The following PRDM16 variants were observed in gnomAD, a reference collection of about 807,000 sequenced individuals.
PRDM16 encodes the protein PR/SET domain 16.
In PRDM16, 23 loss-of-function variants were observed where a neutral mutation model predicts 110.6. The observed-to-expected ratio is 0.21, with a 90% confidence interval of 0.15 to 0.29. The LOEUF (loss-of-function observed/expected upper bound fraction) is 0.29, where lower values mean the gene tolerates loss of function less well. PRDM16 is among the 10% of genes least tolerant of loss of function. The pLI is 1.00. For missense variants in PRDM16, 1,615 were observed against 1,794.3 expected (o/e 0.90, Z 1.81); for synonymous variants, 799 against 781.8 (o/e 1.02, Z -0.37).
intron 1 of PRDM16, among the ~76,000 whole-genome samples, chr1:3,136,432 A>G (rs2100693331): frequency 6.6e-6 from 1 of 152,266 alleles, no homozygotes; most frequent in South Asian, 2.1e-4. Flanking sequence ...TGGGGCTGGG[A>G]CCCAGGCCTG....
rs144474324 is a variant in PRDM16 at position 3,223,933 on chromosome 1, G to A, written c.388-20154G>A. 5.0e-3 allele frequency among the ~76,000 whole-genome samples: 756 copies of A among 152,258 alleles called. 8 individuals are homozygous for A. The highest frequency in any genetic ancestry group is 0.017 in the African/African-American group (709 of 41,530). On this transcript the variant is annotated intron_variant, in intron 2 of 16. Transcript: ENST00000270722. ...ACAGTTTTCCAACCCCATCTGAGGC[G>A]TCTCCTCCTTTTACAAATATTAAGA...
At position 3,081,615 on chromosome 1, in the gene PRDM16, G is replaced by C. The variant is rs974901593; in HGVS notation, c.37+12319G>C. ...GTTGGTCTTCCTTCTGTGAGCACGG[G>C]GGGTGAGCAGTGGGCAGCTCCAGGA... On this transcript the variant is annotated intron_variant, in intron 1 of 16. Coordinates refer to ENST00000270722, the MANE Select transcript of PRDM16 (RefSeq NM_022114.4). This position sits in a 1 kb window ranked among gnomAD's most constrained non-coding sequence, Gnocchi z 4.6. Among the ~76,000 whole-genome samples, 1 of 152,180 alleles carries C rather than the reference G, an allele frequency of 6.6e-6. No homozygotes were observed. Among genetic ancestry groups the C allele is most frequent in the Non-Finnish European group, 1.5e-5 (1 of 68,024 alleles).
chr1:3,337,558 G>A (rs1292517606), intron 3 of PRDM16, among the ~76,000 whole-genome samples: 1 of 152,216 alleles, frequency 6.6e-6, no homozygotes, highest in Non-Finnish European at 1.5e-5. Flanking sequence ...TTGAGCTAGA[G>A]GCCCTTGGGG....
intron 1 of PRDM16, among the ~76,000 whole-genome samples, chr1:3,085,162 G>A (rs1243450049): frequency 1.3e-5 from 2 of 152,204 alleles, no homozygotes; most frequent in Non-Finnish European, 2.9e-5. Flanking sequence ...TCGTGCAGGT[G>A]GAATCTGGAC....
At chr1:3,115,406 GA>G (rs1416962491) in intron 1 of PRDM16, among the ~76,000 whole-genome samples, 2 of 152,246 alleles carry the variant, frequency 1.3e-5, no homozygotes, top group Non-Finnish European at 2.9e-5. Flanking sequence ...AACCCAGCGG[GA>G]CGGGGAGATG....
chr1:3,279,836 C>T (rs756806788), intron 3 of PRDM16, among the ~76,000 whole-genome samples: 4 of 152,118 alleles, frequency 2.6e-5, no homozygotes, highest in East Asian at 3.9e-4. Context: ...CCAGCATATC[C>T]CTGAGCCAGT....
In PRDM16 at chr1:3,429,786, C is replaced by A. The variant is rs200470061; in HGVS notation, c.3285-1086C>A. 2.0e-5 allele frequency among the ~76,000 whole-genome samples: 3 copies of A among 152,350 alleles called. No individual in the cohort carries two copies. In the East Asian group the frequency reaches 5.8e-4, roughly 29 times the overall value. ...AAGGCAGAAAGACAAGAGATAGACA[C>A]GTGGCCCATCTGTGGAGAGCCAGGA... On this transcript the variant is annotated intron_variant, in intron 14 of 16. Coordinates refer to ENST00000270722, the MANE Select transcript of PRDM16 (RefSeq NM_022114.4).
chr1:3,200,912 G>A (rs972928070), intron 2 of PRDM16, among the ~76,000 whole-genome samples: 5 of 151,968 alleles, frequency 3.3e-5, no homozygotes, highest in African/African-American at 7.3e-5. Context: ...CGGGGGCAGA[G>A]GAGGAAGAGA....
chr1:3,248,894 C>T (rs1470293024), intron 3 of PRDM16, among the ~76,000 whole-genome samples: 1 of 152,236 alleles, frequency 6.6e-6, no homozygotes, highest in East Asian at 1.9e-4. Context: ...TCCTGGGTCC[C>T]TCCCGTGGGG....
At chr1:3,155,287 T>G (rs528663765) in intron 1 of PRDM16, among the ~76,000 whole-genome samples, 7 of 152,300 alleles carry the variant, frequency 4.6e-5, no homozygotes, top group Non-Finnish European at 7.4e-5. Context: ...TGGAGGGTTT[T>G]GAAAGAAAAT....
At chr1:3,192,059 C>A (rs1226233031) in intron 2 of PRDM16, among the ~76,000 whole-genome samples, 2 of 152,198 alleles carry the variant, frequency 1.3e-5, no homozygotes. Context: ...CACCCTTTCC[C>A]ACACACAAAC....
At chr1:3,426,025 C>A in intron 13 of PRDM16, 26 bp from the exon 14 acceptor site, 1 of 1,598,466 alleles carries the variant, frequency 6.3e-7, no homozygotes, top group South Asian at 1.1e-5. Context: ...GAGAGGCCGC[C>A]CCCTGATGCT....
chr1:3,144,233 C>T (rs946402631), intron 1 of PRDM16, among the ~76,000 whole-genome samples: 2 of 152,148 alleles, frequency 1.3e-5, no homozygotes, highest in Admixed American at 6.5e-5. Context: ...GATGGGGGCC[C>T]GGCCCCACAG....
intron 1 of PRDM16, among the ~76,000 whole-genome samples, chr1:3,164,643 A>G (rs1242937061): frequency 6.6e-6 from 1 of 152,170 alleles, no homozygotes; most frequent in African/African-American, 2.4e-5. Flanking sequence ...GGGATTGCTC[A>G]CTAAACGCGG....
At position 3,355,175 on chromosome 1, in the gene PRDM16, G is replaced by T. The variant is rs115750256; in HGVS notation, c.439-29977G>T. 9.5e-3 allele frequency among the ~76,000 whole-genome samples: 1,441 copies of T among 152,234 alleles called. 26 individuals are homozygous for T. The highest frequency in any genetic ancestry group is 0.033 in the African/African-American group (1,377 of 41,532). On this transcript the variant is annotated intron_variant, in intron 3 of 16. Coordinates refer to ENST00000270722, the MANE Select transcript of PRDM16 (RefSeq NM_022114.4). Reference sequence around the variant, plus strand: ...GAACACCCAGACCTGAAGGTGTGCCGGGGAGCTCCGAGCTCCAGGCTCTGC... The same window carrying T: ...GAACACCCAGACCTGAAGGTGTGCCTGGGAGCTCCGAGCTCCAGGCTCTGC...
intron 3 of PRDM16, among the ~76,000 whole-genome samples, chr1:3,283,424 G>A (rs917600540): frequency 6.6e-6 from 1 of 152,134 alleles, no homozygotes; most frequent in Non-Finnish European, 1.5e-5. Flanking sequence ...CTGGAGGTGG[G>A]CTCCATGGCA....
intron 2 of PRDM16, among the ~76,000 whole-genome samples, chr1:3,198,531 G>A (rs1638538023): frequency 1.3e-5 from 2 of 152,240 alleles, no homozygotes; most frequent in African/African-American, 2.4e-5. Flanking sequence ...CGTGGCACTG[G>A]GCCGTGGCCT....
chr1:3,425,745 C>T lies in PRDM16; in HGVS notation c.3104C>T (p.Ala1035Val), dbSNP rs1302024890. Reference sequence around the variant, plus strand: ...CTCAAGAAGCACGAGCACGAGAACGCACCAGGTGGGCCACGCGGGGTGGGG... The same window carrying T: ...CTCAAGAAGCACGAGCACGAGAACGTACCAGGTGGGCCACGCGGGGTGGGG... ...RHLKKHEHENAPVSQHPGVLT... is the reference protein window; with the variant it reads ...RHLKKHEHENVPVSQHPGVLT... The change falls in exon 13 of 17, where the codon GCA (alanine) becomes GTA (valine). Residue 1035 changes from alanine (A) to valine (V), a missense_variant. Transcript: ENST00000270722. This position sits in a 1 kb window ranked among gnomAD's most constrained non-coding sequence, Gnocchi z 6.9. 5.6e-6 allele frequency: 9 copies of T among 1,613,414 alleles called. No individual in the cohort carries two copies. In the African/African-American group the frequency reaches 6.7e-5, roughly 12 times the overall value.
intron 3 of PRDM16, among the ~76,000 whole-genome samples, chr1:3,270,104 T>TGACAGTCGGAGAGGAGGAC (rs1402216610): frequency 1.5e-5 from 2 of 133,910 alleles, no homozygotes; most frequent in African/African-American, 5.8e-5. Flanking sequence ...TCAGGGAGGA[T>TGACAGTCGGAGAGGAGGAC]GACAGTCGGA....
Sources: gnomAD v4.1 joint callset for allele counts (sites outside exome capture counted in the v4.1 genomes callset) on GRCh38, gnomAD v4.1.1 for gene constraint, Gnocchi (gnomAD v3.1) non-coding constraint, MANE v1.5 for transcripts, NCBI Gene and HGNC (gene_info 2026-07-23, HGNC 2026-07-21) for gene names.